CFAP299: variants seen among roughly 807,000 people sequenced by gnomAD.
CFAP299 encodes the protein cilia and flagella associated protein 299.
In CFAP299, 21 loss-of-function variants were observed where a neutral mutation model predicts 27.0. That is an observed-to-expected ratio of 0.78 (90% CI 0.55 to 1.12). CFAP299 has a LOEUF of 1.12. Among genes scored for constraint, CFAP299 ranks in the 50% most tolerant of loss-of-function variants. The probability of loss-of-function intolerance (pLI) is 0.00; values close to 1 mark genes in which losing one functional copy is unlikely to be tolerated. For synonymous variants in CFAP299, 104 were observed against 98.1 expected, an observed-to-expected ratio of 1.06 and a Z score of -0.36; for missense variants, 310 against 276.6, an observed-to-expected ratio of 1.12 and a Z score of -0.86.
At chr4:80,881,227 G>A (rs1733688730) in intron 4 of CFAP299, among the ~76,000 whole-genome samples, 1 of 152,180 alleles carries the variant, frequency 6.6e-6, no homozygotes, top group African/African-American at 2.4e-5. Context: ...GGAAAGGGGA[G>A]GGCAGCCCCT....
At chr4:80,743,013 T>A (rs574533895) in intron 3 of CFAP299, among the ~76,000 whole-genome samples, 2 of 152,148 alleles carry the variant, frequency 1.3e-5, no homozygotes, top group African/African-American at 4.8e-5. Flanking sequence ...TGCAAAAAAA[T>A]TTCTCCTAGA....
At chr4:80,935,046 C>G (rs528605904) in intron 4 of CFAP299, among the ~76,000 whole-genome samples, 2 of 151,744 alleles carry the variant, frequency 1.3e-5, no homozygotes, top group African/African-American at 4.8e-5. Flanking sequence ...TTCTGAATCT[C>G]GTAAGTTTTG....
At chr4:80,516,135 C>A (rs979460013) in intron 2 of CFAP299, among the ~76,000 whole-genome samples, 6 of 151,320 alleles carry the variant, frequency 4.0e-5, no homozygotes, top group Non-Finnish European at 5.9e-5. Context: ...ATTCTCTTGC[C>A]TCAGCCTCCC....
chr4:80,439,601 A>C (rs1260868863), intron 2 of CFAP299, among the ~76,000 whole-genome samples: 1 of 152,206 alleles, frequency 6.6e-6, no homozygotes, highest in Non-Finnish European at 1.5e-5. Context: ...CTGGGTTTCA[A>C]GCACAAAACT....
chr4:80,760,942 G>A (rs531811546), intron 3 of CFAP299, among the ~76,000 whole-genome samples: 1 of 152,288 alleles, frequency 6.6e-6, no homozygotes, highest in South Asian at 2.1e-4. Flanking sequence ...GACAGCATGT[G>A]TTGGGACAAG....
intron 3 of CFAP299, among the ~76,000 whole-genome samples, chr4:80,792,002 C>T (rs528443845): frequency 7.7e-4 from 117 of 151,824 alleles, no homozygotes; most frequent in African/African-American, 2.6e-3. Flanking sequence ...TAAAATACAA[C>T]TGAAATGAAT....
intron 2 of CFAP299, among the ~76,000 whole-genome samples, chr4:80,486,289 C>T (rs1190321320): frequency 1.3e-5 from 2 of 152,218 alleles, no homozygotes; most frequent in African/African-American, 2.4e-5. Context: ...GTAATTTCTA[C>T]ACCCAGGGCT....
intron 2 of CFAP299, among the ~76,000 whole-genome samples, chr4:80,563,759 A>G (rs1347041578): frequency 6.6e-6 from 1 of 152,066 alleles, no homozygotes; most frequent in Non-Finnish European, 1.5e-5. Context: ...TGAAACAAAG[A>G]GTTGGTTTTT....
chr4:80,507,360 G>A (rs927128632), intron 2 of CFAP299, among the ~76,000 whole-genome samples: 1 of 152,110 alleles, frequency 6.6e-6, no homozygotes, highest in African/African-American at 2.4e-5. Context: ...TCCTAGGGTA[G>A]GTCCTGATAA....
chr4:80,888,190 G>A (rs987440091), intron 4 of CFAP299, among the ~76,000 whole-genome samples: 1 of 152,010 alleles, frequency 6.6e-6, no homozygotes, highest in Non-Finnish European at 1.5e-5. Flanking sequence ...AAGACATAGA[G>A]TGGCTGCATG....
At chr4:80,761,480 A>C (rs1001413812) in intron 3 of CFAP299, among the ~76,000 whole-genome samples, 14 of 152,072 alleles carry the variant, frequency 9.2e-5, no homozygotes, top group Admixed American at 8.5e-4. Context: ...CTTTAGCTAC[A>C]ATGATATACT....
chr4:80,808,803 T>C (rs1475260438), intron 3 of CFAP299, among the ~76,000 whole-genome samples: 2 of 152,112 alleles, frequency 1.3e-5, no homozygotes, highest in Non-Finnish European at 2.9e-5. Context: ...TTAGAGCCCA[T>C]TCTCCCTTTT....
chr4:80,850,025 T>G (rs547383565), intron 3 of CFAP299, among the ~76,000 whole-genome samples: 5 of 152,108 alleles, frequency 3.3e-5, no homozygotes, highest in African/African-American at 1.2e-4. Flanking sequence ...TTTTAAAGCT[T>G]AAATAAACTG....
At chr4:80,504,501 A>ATG in intron 2 of CFAP299, among the ~76,000 whole-genome samples, 1 of 121,520 alleles carries the variant, frequency 8.2e-6, no homozygotes. Context: ...ATATATATAT[A>ATG]TATATTTTCC....
chr4:80,349,356 A>G (rs997104333), intron 1 of CFAP299, among the ~76,000 whole-genome samples: 11 of 152,354 alleles, frequency 7.2e-5, no homozygotes, highest in African/African-American at 2.4e-4. Context: ...ATTTGATGCA[A>G]TACAAATTCA....
At chr4:80,510,477 T>G (rs1312791061) in intron 2 of CFAP299, among the ~76,000 whole-genome samples, 1 of 152,154 alleles carries the variant, frequency 6.6e-6, no homozygotes, top group Non-Finnish European at 1.5e-5. Flanking sequence ...TCATAGTCTC[T>G]CTTGAGATCA....
At chr4:80,412,015 G>A (rs1333659909) in intron 2 of CFAP299, among the ~76,000 whole-genome samples, 1 of 152,036 alleles carries the variant, frequency 6.6e-6, no homozygotes, top group Non-Finnish European at 1.5e-5. Context: ...AATGAACTAG[G>A]GGCTTGCATT....
chr4:80,745,225 T>C (rs1183973543), intron 3 of CFAP299, among the ~76,000 whole-genome samples: 1 of 152,176 alleles, frequency 6.6e-6, no homozygotes, highest in Non-Finnish European at 1.5e-5. Flanking sequence ...TATTGTTGTC[T>C]CCACTTTACA....
At chr4:80,367,130 A>T (rs1723875549) in intron 2 of CFAP299, among the ~76,000 whole-genome samples, 1 of 152,174 alleles carries the variant, frequency 6.6e-6, no homozygotes, top group Non-Finnish European at 1.5e-5. Context: ...CATTGGTGAT[A>T]ATTGCATAAC....
Sources: allele counts gnomAD v4.1 joint callset (sites outside exome capture counted in the v4.1 genomes callset), GRCh38; gene constraint gnomAD v4.1.1; transcripts MANE v1.5; gene names NCBI Gene and HGNC (gene_info 2026-07-23, HGNC 2026-07-21).